The following DCAF8L2 variants were observed in gnomAD, a reference collection of about 807,000 sequenced individuals.
The protein encoded by DCAF8L2 is DDB1- and CUL4-associated factor 8-like protein 2.
For synonymous variants in DCAF8L2, 200 were observed against 190.9 expected (o/e 1.05, Z -0.39); for missense variants, 430 against 490.7 (o/e 0.88, Z 1.17).
chrX:27,639,203 A>T (rs1316414578), intron 2 of DCAF8L2, among the ~76,000 whole-genome samples: 2 of 111,968 alleles, frequency 1.8e-5, no homozygotes, highest in African/African-American at 6.5e-5. Flanking sequence ...CAAACATTGC[A>T]TGTTGTCACT....
At chrX:27,550,824 T>A in the DCAF8L2 span, among the ~76,000 whole-genome samples, 5 of 79,075 alleles carry the variant, frequency 6.3e-5, no homozygotes, top group South Asian at 4.9e-3. Context: ...GATGCTGTGA[T>A]TTTTTTACAC....
chrX:27,493,265 G>A, the DCAF8L2 span, among the ~76,000 whole-genome samples: 2 of 110,935 alleles, frequency 1.8e-5, no homozygotes, highest in African/African-American at 3.3e-5. Context: ...AAATTAAAAC[G>A]AGATTGATGT....
chrX:27,593,832 A>G (rs1926227400), intron 1 of DCAF8L2, among the ~76,000 whole-genome samples: 1 of 111,707 alleles, frequency 9.0e-6, no homozygotes, highest in African/African-American at 3.3e-5. Context: ...TAGAAGACAG[A>G]ACCCTGGGCT....
chrX:27,511,437 C>T, the DCAF8L2 span, among the ~76,000 whole-genome samples: 2,319 of 111,346 alleles, frequency 0.021, 52 homozygotes, highest in African/African-American at 0.069. Flanking sequence ...AGTTTGGCTC[C>T]ATATAAAATC....
chrX:27,590,977 A>C (rs748991606), intron 1 of DCAF8L2, among the ~76,000 whole-genome samples: 1 of 79,662 alleles, frequency 1.3e-5, no homozygotes, highest in South Asian at 7.3e-4. Context: ...AATGTTTATA[A>C]AAGCCTTTAC....
chrX:27,648,908 A>G (rs1317845378), intron 2 of DCAF8L2, among the ~76,000 whole-genome samples: 2 of 111,982 alleles, frequency 1.8e-5, no homozygotes, highest in African/African-American at 6.5e-5. Context: ...CTGGCTGGCA[A>G]GTGGGTTAGT....
At chrX:27,645,331 C>T (rs1405702011) in intron 2 of DCAF8L2, among the ~76,000 whole-genome samples, 1 of 111,728 alleles carries the variant, frequency 9.0e-6, no homozygotes. Context: ...ACATGATTAT[C>T]TCAATAGACG....
chrX:27,471,987 G>T, the DCAF8L2 span, among the ~76,000 whole-genome samples: 3 of 110,344 alleles, frequency 2.7e-5, no homozygotes, highest in Non-Finnish European at 5.7e-5. Context: ...TTTTTTTCAC[G>T]TTCTTTCCTA....
the DCAF8L2 span, among the ~76,000 whole-genome samples, chrX:27,470,686 C>T: frequency 8.9e-6 from 1 of 111,902 alleles, no homozygotes; most frequent in Non-Finnish European, 1.9e-5. Context: ...CTCAGGATTC[C>T]TCTTGATAGA....
At chrX:27,668,875 C>T (rs1352956806) in intron 2 of DCAF8L2, among the ~76,000 whole-genome samples, 3 of 108,630 alleles carry the variant, frequency 2.8e-5, no homozygotes, top group Admixed American at 2.0e-4. Flanking sequence ...GTGGAGGTTG[C>T]AGTGAGCCGG....
intron 1 of DCAF8L2, among the ~76,000 whole-genome samples, chrX:27,599,274 A>G (rs1448724191): frequency 3.6e-5 from 4 of 111,710 alleles, no homozygotes; most frequent in Non-Finnish European, 7.5e-5. Context: ...ACACAGAAAG[A>G]CAAATACTAT....
At chrX:27,598,775 A>G (rs1480457366) in intron 1 of DCAF8L2, among the ~76,000 whole-genome samples, 2 of 110,120 alleles carry the variant, frequency 1.8e-5, no homozygotes, top group Admixed American at 9.8e-5. Flanking sequence ...GGTATCTCCC[A>G]TCTCTGATTT....
chrX:27,692,783 C>G (rs113574364), intron 3 of DCAF8L2, among the ~76,000 whole-genome samples: 1 of 111,045 alleles, frequency 9.0e-6, no homozygotes, highest in African/African-American at 3.3e-5. Flanking sequence ...TTTCTGGAGA[C>G]ACTCTTGATT....
At chrX:27,613,537 A>G (rs776821240) in intron 1 of DCAF8L2, among the ~76,000 whole-genome samples, 21 of 111,370 alleles carry the variant, frequency 1.9e-4, no homozygotes, top group African/African-American at 6.5e-4. Flanking sequence ...GCCAGTTTTC[A>G]AAGGGAATGC....
the DCAF8L2 span, among the ~76,000 whole-genome samples, chrX:27,520,846 C>A: frequency 1.8e-5 from 2 of 111,843 alleles, no homozygotes; most frequent in Non-Finnish European, 1.9e-5. Context: ...CTAGAAATTT[C>A]TGGAGAGAAT....
chrX:27,533,192 AAGAAAG>A, the DCAF8L2 span, among the ~76,000 whole-genome samples: 2 of 23,023 alleles, frequency 8.7e-5, no homozygotes, highest in Admixed American at 1.3e-3. Context: ...GAAAGAAAGA[AAGAAAG>A]AAAGAAAGAA....
At chrX:27,531,950 T>C in the DCAF8L2 span, among the ~76,000 whole-genome samples, 3 of 111,483 alleles carry the variant, frequency 2.7e-5, no homozygotes, top group Admixed American at 9.6e-5. Context: ...CTTTGAACCT[T>C]GCTAAAATTA....
chrX:27,697,886 G>A (rs1045752173), intron 3 of DCAF8L2, among the ~76,000 whole-genome samples: 11 of 110,641 alleles, frequency 9.9e-5, no homozygotes, highest in Non-Finnish European at 2.1e-4. Context: ...AAGAATGAAA[G>A]AACAATGATA....
chrX:27,507,349 A>G, the DCAF8L2 span, among the ~76,000 whole-genome samples: 1 of 111,727 alleles, frequency 9.0e-6, no homozygotes, highest in Non-Finnish European at 1.9e-5. Context: ...AAAACTCTCT[A>G]TAATAAATAA....
Sources: allele counts gnomAD v4.1 joint callset (sites outside exome capture counted in the v4.1 genomes callset), GRCh38; gene constraint gnomAD v4.1.1; transcripts MANE v1.5; gene names NCBI Gene and HGNC (gene_info 2026-07-23, HGNC 2026-07-21).